Variants in CRTAC1 observed in about 807,000 individuals in gnomAD.
CRTAC1 encodes acidic secreted protein in cartilage.
A neutral mutation model predicts 67.8 loss-of-function variants in CRTAC1; 37 were observed. The observed-to-expected ratio is 0.55, with a 90% CI of 0.42 to 0.72. The LOEUF (loss-of-function observed/expected upper bound fraction) is 0.72. Ranked by LOEUF, CRTAC1 falls within the 30% of genes least tolerant of loss-of-function variation. The probability of loss-of-function intolerance (pLI) is 0.00; values close to 1 mark genes in which losing one functional copy is unlikely to be tolerated. For missense variants in CRTAC1, 780 were observed against 931.6 expected, an observed-to-expected ratio of 0.84 and a Z score of 2.12; for synonymous variants, 348 against 371.0, an observed-to-expected ratio of 0.94 and a Z score of 0.71.
intron 2 of CRTAC1, among the ~76,000 whole-genome samples, chr10:97,991,410 CT>C (rs1324338418): frequency 9.8e-6 from 1 of 101,780 alleles, no homozygotes; most frequent in Non-Finnish European, 2.1e-5. Context: ...GGAACCCTGT[CT>C]TTTAAAAATA....
At chr10:97,907,645 T>G (rs1347546934) in intron 6 of CRTAC1, among the ~76,000 whole-genome samples, 1 of 152,144 alleles carries the variant, frequency 6.6e-6, no homozygotes, top group Non-Finnish European at 1.5e-5. Flanking sequence ...CTCACTGTAT[T>G]GAACTGAATG....
At chr10:97,931,430 A>C (rs2051002212) in intron 3 of CRTAC1, among the ~76,000 whole-genome samples, 1 of 152,248 alleles carries the variant, frequency 6.6e-6, no homozygotes, top group Non-Finnish European at 1.5e-5. Context: ...AAGGCAAAAG[A>C]CTGCAAGTAA....
intron 2 of CRTAC1, among the ~76,000 whole-genome samples, chr10:97,985,866 C>A (rs1388658958): frequency 6.6e-6 from 1 of 152,176 alleles, no homozygotes; most frequent in Non-Finnish European, 1.5e-5. Flanking sequence ...TAAGAACTCA[C>A]TTTGTGAACT....
intron 1 of CRTAC1, among the ~76,000 whole-genome samples, chr10:98,027,826 T>C (rs1843269385): frequency 6.6e-6 from 1 of 152,176 alleles, no homozygotes; most frequent in South Asian, 2.1e-4. Context: ...AGAAAGTATG[T>C]CCATCTTTAT....
chr10:97,934,522 A>G (rs2051051957), intron 3 of CRTAC1, among the ~76,000 whole-genome samples: 1 of 152,066 alleles, frequency 6.6e-6, no homozygotes, highest in Admixed American at 6.5e-5. Context: ...CCGTTTATGC[A>G]ACTGCAGGAC....
chr10:97,929,460 C>A (rs1328853922), intron 3 of CRTAC1, among the ~76,000 whole-genome samples: 1 of 152,198 alleles, frequency 6.6e-6, no homozygotes, highest in Non-Finnish European at 1.5e-5. Context: ...GCTTTCCCCA[C>A]CTGGGAGATG....
intron 8 of CRTAC1, among the ~76,000 whole-genome samples, chr10:97,898,754 C>T (rs1261159890): frequency 1.3e-5 from 2 of 152,076 alleles, no homozygotes; most frequent in East Asian, 3.9e-4. Flanking sequence ...CGTGGGAGAC[C>T]AGGAGTGGTG....
In CRTAC1 at chr10:98,013,353, A is replaced by G. The variant is rs80097271; in HGVS notation, c.25-2016T>C. Among the ~76,000 whole-genome samples, 663 of 152,354 alleles carry G rather than the reference A, an allele frequency of 4.4e-3. 3 individuals carry two copies. The highest frequency in any genetic ancestry group is 0.015 in the African/African-American group (628 of 41,578). On this transcript the variant is annotated intron_variant, in intron 1 of 14. Coordinates refer to ENST00000370597, the MANE Select transcript of CRTAC1 (RefSeq NM_018058.7). The stretch of plus-strand genomic sequence containing the variant: ...CAGGGAGGCTGGCCCCATTCAGGTA[A>G]TATGAGCCTAAAAGTTCTAATCATT...
At chr10:97,958,886 C>A (rs893650339) in intron 2 of CRTAC1, among the ~76,000 whole-genome samples, 1 of 152,210 alleles carries the variant, frequency 6.6e-6, no homozygotes, top group African/African-American at 2.4e-5. Context: ...GGTCCACTCT[C>A]TACCCCTTCC....
chr10:98,015,846 C>A (rs1842986552), intron 1 of CRTAC1, among the ~76,000 whole-genome samples: 1 of 152,150 alleles, frequency 6.6e-6, no homozygotes, highest in Admixed American at 6.5e-5. Flanking sequence ...TGATATTGGT[C>A]CATAAACTAC....
At chr10:98,013,918 C>T (rs909575549) in intron 1 of CRTAC1, among the ~76,000 whole-genome samples, 1 of 152,206 alleles carries the variant, frequency 6.6e-6, no homozygotes, top group African/African-American at 2.4e-5. Flanking sequence ...TGGTTGGCCT[C>T]CCCATGAGAC....
intron 3 of CRTAC1, among the ~76,000 whole-genome samples, chr10:97,929,957 G>A (rs2050979005): frequency 6.6e-6 from 1 of 152,194 alleles, no homozygotes; most frequent in Non-Finnish European, 1.5e-5. Flanking sequence ...TTTAAAAGAG[G>A]AGCCCAGGCT....
intron 2 of CRTAC1, among the ~76,000 whole-genome samples, chr10:98,006,639 C>T (rs1023029177): frequency 2.0e-5 from 3 of 152,112 alleles, no homozygotes; most frequent in African/African-American, 7.2e-5. Context: ...CAAAACAAAC[C>T]TATTCAAAGA....
intron 4 of CRTAC1, among the ~76,000 whole-genome samples, chr10:97,920,183 C>G (rs1368590227): frequency 6.6e-6 from 1 of 152,198 alleles, no homozygotes; most frequent in East Asian, 1.9e-4. Flanking sequence ...CCGACCCTAC[C>G]AGCTGGCAGC....
At chr10:97,894,611 T>C (rs1165233857) in intron 11 of CRTAC1, among the ~76,000 whole-genome samples, 2 of 148,800 alleles carry the variant, frequency 1.3e-5, no homozygotes, top group Non-Finnish European at 1.5e-5. Flanking sequence ...TTGCCCAGGC[T>C]AGTCTCGAAC....
Position 97,916,375 on chromosome 10 carries a change from C to T in CRTAC1, c.715+1125G>A, listed in dbSNP as rs2050759090. On this transcript the variant is annotated intron_variant, in intron 5 of 14. Transcript: ENST00000370597. ...CTCAGGCACTTAGATGGGGCTTGAG[C>T]TGTGCTAACCATTTTATTGTCTAGT... 2.6e-5 allele frequency among the ~76,000 whole-genome samples: 4 copies of T among 152,326 alleles called. No individual in the cohort carries two copies. In the South Asian group the frequency reaches 6.2e-4, roughly 24 times the overall value.
chr10:97,887,369 G>A lies in CRTAC1; in HGVS notation c.1487-3018C>T, dbSNP rs1384465891. On this transcript the variant is annotated intron_variant, in intron 11 of 14. Coordinates refer to ENST00000370597, the MANE Select transcript of CRTAC1 (RefSeq NM_018058.7). ...CAATTTTTCTGCCTAAAGCTTTCCC[G>A]AGTAGCTGGGATTACAGGCACCTGC... 8.6e-5 allele frequency among the ~76,000 whole-genome samples: 13 copies of A among 151,854 alleles called. No individual in the cohort carries two copies. In the East Asian group the frequency reaches 1.7e-3, roughly 20 times the overall value.
At chr10:97,909,797 T>C (rs2050663792) in intron 5 of CRTAC1, among the ~76,000 whole-genome samples, 1 of 152,158 alleles carries the variant, frequency 6.6e-6, no homozygotes, top group Non-Finnish European at 1.5e-5. Context: ...AGATATGGAA[T>C]GAAGATACGA....
chr10:97,920,557 C>A (rs753409785), intron 4 of CRTAC1, among the ~76,000 whole-genome samples: 1 of 152,052 alleles, frequency 6.6e-6, no homozygotes, highest in Non-Finnish European at 1.5e-5. Context: ...ACAGGTCTGG[C>A]GTGAGCCATG....
Sources: gnomAD v4.1 joint callset for allele counts (sites outside exome capture counted in the v4.1 genomes callset) on GRCh38, gnomAD v4.1.1 for gene constraint, MANE v1.5 for transcripts, NCBI Gene and HGNC (gene_info 2026-07-23, HGNC 2026-07-21) for gene names.